VWF: variants seen among roughly 807,000 people sequenced by gnomAD.
The protein encoded by VWF is von Willebrand factor.
A neutral mutation model predicts 308.6 loss-of-function variants in VWF; 176 were observed. The ratio of observed to expected loss-of-function variants is 0.57; its 90% confidence interval spans 0.50 to 0.65. The LOEUF is 0.65. VWF is among the 30% of genes least tolerant of loss of function. The pLI is 0.00. For missense variants in VWF, 3,146 were observed against 3,648.2 expected, an observed-to-expected ratio of 0.86 and a Z score of 3.55; for synonymous variants, 1,385 against 1,443.4, an observed-to-expected ratio of 0.96 and a Z score of 0.92.
intron 31 of VWF, among the ~76,000 whole-genome samples, chr12:6,015,763 C>T (rs1037736680): frequency 6.6e-6 from 1 of 152,184 alleles, no homozygotes; most frequent in Admixed American, 6.5e-5. Context: ...TCAGACATGA[C>T]ATTTTAGTAA....
chr12:6,123,014 G>A lies in VWF; in HGVS notation c.55+128C>T, dbSNP rs761616956. The A allele has an allele frequency of 1.2e-5, 15 of 1,206,692 alleles. No individual in the cohort carries two copies. In the Admixed American group the frequency reaches 2.4e-4, roughly 19 times the overall value. 74.7% of individuals were successfully genotyped at this position (1,206,692 alleles called of 1,614,324 possible). A position where few individuals can be genotyped will look rare whatever the true frequency, so the allele number is the denominator to read the frequency against. On this transcript the variant is annotated intron_variant, in intron 2 of 51. Transcript: ENST00000261405. Reference sequence around the variant, plus strand: ...GAACTCCGCAGAACCTTCACAGGAGGCAACCAACAGCCTAAGTTAGGGCTG... The same window carrying A: ...GAACTCCGCAGAACCTTCACAGGAGACAACCAACAGCCTAAGTTAGGGCTG...
Position 6,029,472 on chromosome 12 carries a change from G to A in VWF, c.2837C>T (p.Pro946Leu), listed in dbSNP as rs1944233580. Residue 946 changes from proline to leucine, a missense_variant, in exon 22 of 52, where the codon CCC becomes CTC. By Grantham distance (98) the Pro-to-Leu change is moderately conservative (BLOSUM62 -3). Transcript: ENST00000261405. ...CTCAAAGTGAGTCTCATCCTTCATG[G>A]GCCTCTTCACATTCACCTGGAGGAA... ...LFDGEVNVKR[P>L]MKDETHFEVV... 2 of 1,613,950 alleles carry A rather than the reference G, an allele frequency of 1.2e-6. No homozygotes were observed. The highest frequency in any genetic ancestry group is 8.5e-7 in the Non-Finnish European group (1 of 1,180,028).
At chr12:6,120,368 C>G (rs1396432811) in intron 3 of VWF, among the ~76,000 whole-genome samples, 1 of 151,664 alleles carries the variant, frequency 6.6e-6, no homozygotes, top group Non-Finnish European at 1.5e-5. Flanking sequence ...GTTGCCCAGG[C>G]TGGAGTGTAT....
chr12:6,109,358 T>C (rs1945279274), intron 5 of VWF, among the ~76,000 whole-genome samples: 1 of 151,574 alleles, frequency 6.6e-6, no homozygotes, highest in East Asian at 1.9e-4. Flanking sequence ...ATATATAGAG[T>C]GCAACTAAAG....
chr12:6,059,259 CT>C (rs1944628850), intron 13 of VWF, among the ~76,000 whole-genome samples: 1 of 152,218 alleles, frequency 6.6e-6, no homozygotes, highest in African/African-American at 2.4e-5. Context: ...GCCCCTTTCT[CT>C]GCTTTATTTC....
chr12:6,043,385 T>A (rs919969309), intron 18 of VWF, among the ~76,000 whole-genome samples: 2 of 152,058 alleles, frequency 1.3e-5, no homozygotes, highest in Non-Finnish European at 2.9e-5. Context: ...TGGGCAACAC[T>A]AAGTCCCCTC....
intron 10 of VWF, among the ~76,000 whole-genome samples, chr12:6,066,905 G>A (rs982687289): frequency 6.6e-6 from 1 of 152,262 alleles, no homozygotes. Context: ...ATGAAGGCAG[G>A]ATTAAGGATG....
At chr12:6,023,597 G>A (rs755615364) in intron 25 of VWF, 34 bp downstream of exon 25, 12 of 1,612,906 alleles carry the variant, frequency 7.4e-6, no homozygotes, top group Non-Finnish European at 9.3e-6. Context: ...GAAGAAGGGA[G>A]GGCATCTGAG....
intron 38 of VWF, among the ~76,000 whole-genome samples, chr12:5,986,776 C>T (rs1005075294): frequency 6.6e-6 from 1 of 152,232 alleles, no homozygotes; most frequent in African/African-American, 2.4e-5. Flanking sequence ...TGCAGTCCTA[C>T]GGTGAGGATA....
Position 6,110,977 on chromosome 12 carries a change from GA to G in VWF, c.221-10del. 5 of 1,609,810 alleles carry G rather than the reference GA, an allele frequency of 3.1e-6. No homozygotes were observed. Among genetic ancestry groups the G allele is most frequent in the Non-Finnish European group, 3.4e-6 (4 of 1,176,186 alleles). ...GCCATTCTGGAAGTCCCCTGAAAGA[GA>G]AAAAAGTCAATAGTAGTGATTATTA... On this transcript the variant is annotated splice_polypyrimidine_tract_variant and intron_variant, in intron 3 of 51. Coordinates refer to ENST00000261405, the MANE Select transcript of VWF (RefSeq NM_000552.5).
intron 17 of VWF, among the ~76,000 whole-genome samples, chr12:6,045,802 C>T (rs1193662484): frequency 6.6e-6 from 1 of 152,234 alleles, no homozygotes; most frequent in South Asian, 2.1e-4. Flanking sequence ...CTCTCTCCCA[C>T]TGGAAGAGTC....
At position 6,004,760 on chromosome 12, in the gene VWF, C is replaced by T. The variant is rs1784524735; in HGVS notation, c.5842+6857G>A. ...TGTTATATATATTGATATCAATACCCTTTATATACACAAATAATAAGTAGT... is the reference window on the plus strand; with the variant it reads ...TGTTATATATATTGATATCAATACCTTTTATATACACAAATAATAAGTAGT... On this transcript the variant is annotated intron_variant, in intron 34 of 51. Coordinates refer to ENST00000261405, the MANE Select transcript of VWF (RefSeq NM_000552.5). Among the ~76,000 whole-genome samples, 3 of 151,218 alleles carry T rather than the reference C, an allele frequency of 2.0e-5. No homozygotes were observed. In the South Asian group the frequency reaches 6.3e-4, roughly 32 times the overall value.
At position 6,057,090 on chromosome 12, in the gene VWF, C is replaced by T; in HGVS notation, c.1730-18G>A. 1 of 1,528,206 alleles carries T rather than the reference C, an allele frequency of 6.5e-7. No homozygotes were observed. The highest frequency in any genetic ancestry group is 2.5e-5 in the East Asian group (1 of 40,596). 94.7% of individuals were successfully genotyped at this position (1,528,206 alleles called of 1,614,324 possible). On this transcript the variant is annotated intron_variant, in intron 14 of 51. Coordinates refer to ENST00000261405, the MANE Select transcript of VWF (RefSeq NM_000552.5). The stretch of plus-strand genomic sequence containing the variant: ...GAACCTGGCTGTGGGGCGAGAGGAG[C>T]GAGCCTGGGATGTGGTGGGGAGGAG...
chr12:5,949,731 C>G (rs766325122), intron 51 of VWF, 55 bp downstream of exon 51: 2 of 1,552,708 alleles, frequency 1.3e-6, no homozygotes, highest in East Asian at 4.5e-5. Context: ...GATAGGTATC[C>G]GAACACGGAG....
chr12:5,987,915 T>A (rs1943697266), intron 38 of VWF, among the ~76,000 whole-genome samples: 1 of 152,244 alleles, frequency 6.6e-6, no homozygotes, highest in Non-Finnish European at 1.5e-5. Flanking sequence ...AATGGTTTTA[T>A]AGGTGTGTAC....
chr12:6,000,034 T>C (rs1194035019), intron 34 of VWF, among the ~76,000 whole-genome samples: 1 of 149,216 alleles, frequency 6.7e-6, no homozygotes, highest in African/African-American at 2.5e-5. Flanking sequence ...GAGACAGTAA[T>C]GAAAATGTAA....
intron 32 of VWF, among the ~76,000 whole-genome samples, chr12:6,013,060 G>A (rs768332796): frequency 1.3e-5 from 2 of 152,162 alleles, no homozygotes; most frequent in Non-Finnish European, 2.9e-5. Context: ...ACTTTGATAT[G>A]AGTCTCCGTG....
At chr12:5,973,203 T>C (rs894805646) in intron 43 of VWF, among the ~76,000 whole-genome samples, 2 of 152,200 alleles carry the variant, frequency 1.3e-5, no homozygotes, top group African/African-American at 4.8e-5. Context: ...TATTTTTCAA[T>C]TCTTTATTTT....
chr12:6,020,182 G>A lies in VWF; in HGVS notation c.3675-439C>T, dbSNP rs990447445. 4.6e-5 allele frequency among the ~76,000 whole-genome samples: 7 copies of A among 152,164 alleles called. No homozygotes were observed. The highest frequency in any genetic ancestry group is 1.3e-4 in the Admixed American group (2 of 15,278). On this transcript the variant is annotated intron_variant, in intron 27 of 51. Coordinates refer to ENST00000261405, the MANE Select transcript of VWF (RefSeq NM_000552.5). The surrounding 1 kb of genome is among the most constrained non-coding windows in gnomAD (Gnocchi z 4.3). The stretch of plus-strand genomic sequence containing the variant: ...GCTAACCTGTGTTTGTACATGTTCT[G>A]TTGAAGATAAATGCTTTACAGTACA...
Sources: gnomAD v4.1 joint callset for allele counts (sites outside exome capture counted in the v4.1 genomes callset) on GRCh38, gnomAD v4.1.1 for gene constraint, Gnocchi (gnomAD v3.1) non-coding constraint, MANE v1.5 for transcripts, NCBI Gene and HGNC (gene_info 2026-07-23, HGNC 2026-07-21) for gene names.